Variants in GCLM observed in about 807,000 individuals in gnomAD.
GCLM encodes glutamate-cysteine ligase modifier subunit.
In GCLM, 15 loss-of-function variants were observed where a neutral mutation model predicts 36.0. That is an observed-to-expected ratio of 0.42 (90% CI 0.28 to 0.64). The LOEUF (loss-of-function observed/expected upper bound fraction) is 0.64, where lower values mean the gene tolerates loss of function less well. Ranked by LOEUF, GCLM falls within the 30% of genes least tolerant of loss-of-function variation. GCLM has a pLI of 0.25. For synonymous variants in GCLM, 129 were observed against 122.8 expected (o/e 1.05, Z -0.34); for missense variants, 242 against 325.5 (o/e 0.74, Z 1.97).
intron 3 of GCLM, among the ~76,000 whole-genome samples, chr1:93,899,987 T>C (rs1358510513): frequency 7.5e-6 from 1 of 132,920 alleles, no homozygotes; most frequent in Non-Finnish European, 1.6e-5. Context: ...ATAAGGCTAA[T>C]GAAATACCCT....
At chr1:93,898,361 T>C (rs1571202164) in intron 3 of GCLM, among the ~76,000 whole-genome samples, 1 of 143,690 alleles carries the variant, frequency 7.0e-6, no homozygotes, top group African/African-American at 2.6e-5. Context: ...ATACAATCAT[T>C]TTCATTTTCA....
chr1:93,903,474 C>CTT (rs376727900), intron 2 of GCLM, among the ~76,000 whole-genome samples: 33,611 of 131,396 alleles, frequency 0.26, 4,441 homozygotes, highest in Admixed American at 0.33. Flanking sequence ...CCACGCCTGG[C>CTT]TTTTTTTTTT....
rs1656298934 is a variant in GCLM at position 93,886,279 on chromosome 1, C to A, written c.*2711G>T. On this transcript the variant is annotated 3_prime_UTR_variant, in exon 7 of 7. Coordinates refer to ENST00000370238, the MANE Select transcript of GCLM (RefSeq NM_002061.4). ...CTTTCTACCTTGGTCTCACTGGATG[C>A]ACATCTCCTCAGAAAACATCTCTTA... The A allele has an allele frequency of 6.6e-6, 1 of 152,030 alleles. No individual in the cohort carries two copies. Among genetic ancestry groups the A allele is most frequent in the Non-Finnish European group, 1.5e-5 (1 of 67,980 alleles). 9.4% of individuals were successfully genotyped at this position (152,030 alleles called of 1,614,324 possible).
chr1:93,898,927 T>C (rs1274829692), intron 3 of GCLM, among the ~76,000 whole-genome samples: 1 of 152,110 alleles, frequency 6.6e-6, no homozygotes, highest in African/African-American at 2.4e-5. Context: ...CTAATAGTCA[T>C]GTGCTTACTG....
Position 93,901,454 on chromosome 1 carries a change from A to C in GCLM, c.277+131T>G, listed in dbSNP as rs1656945102. On this transcript the variant is annotated intron_variant, in intron 3 of 6. Coordinates refer to ENST00000370238, the MANE Select transcript of GCLM (RefSeq NM_002061.4). ...ATAACTCCATCTTGGAGTTTAAGTA[A>C]AATTATGCTAAAAAAGAATTTCTGT... is the stretch of plus-strand genomic sequence containing the variant. 8 of 670,770 alleles carry C rather than the reference A, an allele frequency of 1.2e-5. No individual in the cohort carries two copies. In the South Asian group the frequency reaches 1.4e-4, roughly 11 times the overall value. 41.6% of individuals were successfully genotyped at this position (670,770 alleles called of 1,614,324 possible). A position where few individuals can be genotyped will look rare whatever the true frequency, so the allele number is the denominator to read the frequency against.
intron 1 of GCLM, among the ~76,000 whole-genome samples, chr1:93,907,869 G>A (rs1657202086): frequency 2.0e-5 from 3 of 152,212 alleles, no homozygotes; most frequent in Admixed American, 2.0e-4. Flanking sequence ...ACTTAACTCA[G>A]AGGGATGCCG....
chr1:93,908,047 C>A (rs959137933), intron 1 of GCLM, among the ~76,000 whole-genome samples: 3 of 152,164 alleles, frequency 2.0e-5, no homozygotes, highest in Admixed American at 6.5e-5. Context: ...AGATAGATGC[C>A]TGCATGGTGA....
In GCLM at chr1:93,909,368, C is replaced by T. The variant is rs548438884; in HGVS notation, c.-205G>A. The T allele has an allele frequency of 1.3e-4, 124 of 958,646 alleles. No individual in the cohort carries two copies. In the African/African-American group the frequency reaches 2.1e-3, roughly 16 times the overall value. 59.4% of individuals were successfully genotyped at this position (958,646 alleles called of 1,614,324 possible). A position where few individuals can be genotyped will look rare whatever the true frequency, so the allele number is the denominator to read the frequency against. On this transcript the variant is annotated 5_prime_UTR_variant, in exon 1 of 7. Transcript: ENST00000370238. ...GCTGGGCGGCGGCGGGAAAGGAAGG[C>T]ACCGGTGGCTGCGGCTCCGGCTCCG...
chr1:93,896,524 G>T (rs1258256869), intron 5 of GCLM, 94 bp downstream of exon 5: 3 of 970,764 alleles, frequency 3.1e-6, no homozygotes, highest in Non-Finnish European at 3.3e-6. Context: ...ACCCCGCAGG[G>T]GTGGCCACTA....
chr1:93,904,633 A>G (rs1357933165), intron 1 of GCLM, 45 bp from the exon 2 acceptor site: 2 of 1,103,264 alleles, frequency 1.8e-6, no homozygotes, highest in Admixed American at 1.7e-5. Flanking sequence ...AAGTCTATAT[A>G]CTTTTCTGTA....
At chr1:93,901,551 T>C (rs368561212) in intron 3 of GCLM, 34 bp downstream of exon 3, 96 of 1,083,668 alleles carry the variant, frequency 8.9e-5, no homozygotes, top group Non-Finnish European at 1.2e-4. Context: ...GCTTCCGCTA[T>C]GTAACAAAAT....
At chr1:93,902,172 G>GT (rs1557731399) in intron 2 of GCLM, among the ~76,000 whole-genome samples, 2 of 151,752 alleles carry the variant, frequency 1.3e-5, no homozygotes, top group African/African-American at 4.8e-5. Flanking sequence ...TTTTTTGTTT[G>GT]TTTGTTTTGT....
intron 6 of GCLM, among the ~76,000 whole-genome samples, chr1:93,893,405 G>A (rs539007595): frequency 6.6e-6 from 1 of 152,274 alleles, no homozygotes; most frequent in Admixed American, 6.5e-5. Context: ...AAACAGTGAA[G>A]AAATGAGAAT....
At chr1:93,906,050 AACTATGACT>A in intron 1 of GCLM, among the ~76,000 whole-genome samples, 1 of 152,376 alleles carries the variant, frequency 6.6e-6, no homozygotes, top group South Asian at 2.1e-4. Context: ...GAACTATCTG[AACTATGACT>A]GCTTATGATA....
At position 93,885,766 on chromosome 1, in the gene GCLM, T is replaced by C. The variant is rs953525389; in HGVS notation, c.*3224A>G. ...GCCAACATACAATAAATATATCAATTGTTTACATTCCCAAATTTTGAAAAT... is the reference window on the plus strand; with the variant it reads ...GCCAACATACAATAAATATATCAATCGTTTACATTCCCAAATTTTGAAAAT... On this transcript the variant is annotated 3_prime_UTR_variant, in exon 7 of 7. Transcript: ENST00000370238. 4 of 149,020 alleles carry C rather than the reference T, an allele frequency of 2.7e-5. No individual in the cohort carries two copies. In the East Asian group the frequency reaches 7.7e-4, roughly 29 times the overall value. The allele number at this position is 149,020 out of a possible 1,614,324, so 9.2% of individuals were successfully genotyped here. A position where few individuals can be genotyped will look rare whatever the true frequency, so the allele number is the denominator to read the frequency against.
intron 5 of GCLM, among the ~76,000 whole-genome samples, chr1:93,895,001 A>G (rs1181390489): frequency 1.4e-5 from 2 of 141,130 alleles, no homozygotes; most frequent in African/African-American, 3.0e-5. Flanking sequence ...GAAAAAGCCA[A>G]CAGTACTACA....
chr1:93,889,611 A>G (rs1009518498), intron 6 of GCLM, among the ~76,000 whole-genome samples: 7 of 151,608 alleles, frequency 4.6e-5, no homozygotes, highest in African/African-American at 1.7e-4. Context: ...CCATATCTTG[A>G]ATCTCTATAT....
At chr1:93,890,810 A>G (rs1231048861) in intron 6 of GCLM, among the ~76,000 whole-genome samples, 1 of 152,104 alleles carries the variant, frequency 6.6e-6, no homozygotes, top group African/African-American at 2.4e-5. Context: ...CAGAAAGGCT[A>G]TACTTTACAC....
Position 93,894,669 on chromosome 1 carries a change from C to T in GCLM, c.600G>A (p.Leu200=). 1.9e-6 allele frequency: 3 copies of T among 1,612,320 alleles called. No homozygotes were observed. The highest frequency in any genetic ancestry group is 2.7e-5 in the African/African-American group (2 of 74,962). The change falls in exon 6 of 7, where the codon TTG becomes TTA. Residue 200 remains leucine (L), a synonymous_variant. Coordinates refer to ENST00000370238, the MANE Select transcript of GCLM (RefSeq NM_002061.4). The stretch of plus-strand genomic sequence containing the variant: ...TGTCAAATTGTTTAGCAAATGCAGT[C>T]AAATCTGGTGGCATCACACAGCAGG... ...LASCCVMPPD[L]TAFAKQFDIQ...
Sources: gnomAD v4.1 joint callset for allele counts (sites outside exome capture counted in the v4.1 genomes callset) on GRCh38, gnomAD v4.1.1 for gene constraint, MANE v1.5 for transcripts, NCBI Gene and HGNC (gene_info 2026-07-23, HGNC 2026-07-21) for gene names.